The following C12orf42 variants were observed in gnomAD, a reference collection of about 807,000 sequenced individuals.
C12orf42 encodes the protein uncharacterized protein C12orf42.
C12orf42 carries 25 observed loss-of-function variants against 21.6 expected under a neutral mutation model. The ratio of observed to expected loss-of-function variants is 1.16; its 90% confidence interval spans 0.84 to 1.62. The LOEUF (loss-of-function observed/expected upper bound fraction) is 1.62, where lower values mean the gene tolerates loss of function less well. C12orf42 is among the 40% of genes most tolerant of loss of function. The pLI is 0.00. For missense variants in C12orf42, 483 were observed against 459.3 expected, an observed-to-expected ratio of 1.05 and a Z score of -0.47; for synonymous variants, 174 against 175.0, an observed-to-expected ratio of 0.99 and a Z score of 0.05.
chr12:103,095,544 AAT>A, the C12orf42 span, among the ~76,000 whole-genome samples: 2 of 152,108 alleles, frequency 1.3e-5, no homozygotes, highest in Non-Finnish European at 2.9e-5. Context: ...ATCTACTCCC[AAT>A]GGCCCTGTTT....
At position 103,381,508 on chromosome 12, in the gene C12orf42, G is replaced by T. The variant is rs368519675; in HGVS notation, c.148-12510C>A. Among the ~76,000 whole-genome samples the T allele has an allele frequency of 4.6e-5, 7 of 152,182 alleles. No homozygotes were observed. The East Asian group carries it at 9.6e-4, about 21-fold the overall frequency. On this transcript the variant is annotated intron_variant, in intron 3 of 5. Transcript: ENST00000548883. ...ATTGTTGATGATGACAACAACAACA[G>T]CAATAATAAATAGGTGTACTCATCA...
intron 4 of C12orf42, among the ~76,000 whole-genome samples, chr12:103,335,336 A>G (rs1031766445): frequency 6.6e-6 from 1 of 152,200 alleles, no homozygotes; most frequent in Non-Finnish European, 1.5e-5. Flanking sequence ...CCAATGGAAA[A>G]TATGTAGGAT....
intron 2 of C12orf42, among the ~76,000 whole-genome samples, chr12:103,436,673 A>T (rs1420848263): frequency 1.3e-5 from 2 of 152,034 alleles, no homozygotes; most frequent in Non-Finnish European, 2.9e-5. Flanking sequence ...ACATAATGGT[A>T]AAGGGATCAA....
At chr12:103,478,479 G>T in intron 1 of C12orf42, 32 bp from the exon 2 acceptor site, 1 of 1,112,910 alleles carries the variant, frequency 9.0e-7, no homozygotes, top group Non-Finnish European at 1.3e-6. Flanking sequence ...AGAAGAGCAG[G>T]TTTACAATGA....
the C12orf42 span, among the ~76,000 whole-genome samples, chr12:103,195,665 A>T: frequency 0.036 from 5,395 of 151,904 alleles, 112 homozygotes; most frequent in Admixed American, 0.054. Flanking sequence ...AATATTTTTA[A>T]GTTGTTTATA....
chr12:103,472,235 C>T lies in C12orf42; in HGVS notation c.78+6114G>A, dbSNP rs575013960. ...ATGCCAGGCTAATTTTTTGTAATTT[C>T]AGTAGAGACGGGGTTTCACCGTGTT... is the stretch of plus-strand genomic sequence containing the variant. On this transcript the variant is annotated intron_variant, in intron 2 of 5. Transcript: ENST00000548883. Among the ~76,000 whole-genome samples, 19 of 151,644 alleles carry T rather than the reference C, an allele frequency of 1.3e-4. No individual in the cohort carries two copies. The South Asian group carries it at 2.9e-3, about 23-fold the overall frequency.
chr12:103,381,968 T>C (rs1002603424), intron 3 of C12orf42, among the ~76,000 whole-genome samples: 1 of 152,080 alleles, frequency 6.6e-6, no homozygotes, highest in African/African-American at 2.4e-5. Context: ...TCCTCATCTG[T>C]ACAGTGAAGA....
chr12:103,158,812 G>A, the C12orf42 span, among the ~76,000 whole-genome samples: 3 of 151,396 alleles, frequency 2.0e-5, no homozygotes, highest in Non-Finnish European at 4.4e-5. Context: ...CCCGGGAGGC[G>A]GAGGTTGCAG....
intron 2 of C12orf42, among the ~76,000 whole-genome samples, chr12:103,467,335 G>C (rs1275641060): frequency 6.6e-6 from 1 of 152,078 alleles, no homozygotes; most frequent in African/African-American, 2.4e-5. Flanking sequence ...GGGAGGATAG[G>C]GACTGGGGAG....
the C12orf42 span, among the ~76,000 whole-genome samples, chr12:103,103,626 A>G: frequency 0.012 from 1,827 of 152,036 alleles, 39 homozygotes; most frequent in African/African-American, 0.042. Context: ...TTTGAGCCCA[A>G]TATTTTTTTT....
chr12:103,395,497 G>A lies in C12orf42; in HGVS notation c.147+6110C>T, dbSNP rs147370219. Among the ~76,000 whole-genome samples the A allele has an allele frequency of 1.0e-2, 1,516 of 152,116 alleles. 137 individuals are homozygous for A. In the East Asian group the frequency reaches 0.2, roughly 20 times the overall value. On this transcript the variant is annotated intron_variant, in intron 3 of 5. Coordinates refer to ENST00000548883, the MANE Select transcript of C12orf42 (RefSeq NM_198521.5). Reference sequence around the variant, plus strand: ...ACTACAGGCGCCCACCACCACGCCCGGCTAATTTTTCGTATTTTTAGTAGA... The same window carrying A: ...ACTACAGGCGCCCACCACCACGCCCAGCTAATTTTTCGTATTTTTAGTAGA...
chr12:103,338,503 A>G (rs2041912799), intron 4 of C12orf42, among the ~76,000 whole-genome samples: 1 of 152,234 alleles, frequency 6.6e-6, no homozygotes, highest in Admixed American at 6.5e-5. Context: ...CGCTTCTAAG[A>G]AGGCCTGAAG....
At chr12:103,522,175 A>G in the C12orf42 span, among the ~76,000 whole-genome samples, 1 of 152,146 alleles carries the variant, frequency 6.6e-6, no homozygotes, top group Non-Finnish European at 1.5e-5. Context: ...CATGGTAGTG[A>G]ATAAGTCTCA....
chr12:103,226,226 T>A, the C12orf42 span, among the ~76,000 whole-genome samples: 1 of 152,170 alleles, frequency 6.6e-6, no homozygotes, highest in Non-Finnish European at 1.5e-5. Flanking sequence ...GCTGGAGATG[T>A]GGCTGGGGTT....
intron 5 of C12orf42, 48 bp downstream of exon 5, chr12:103,305,926 G>C: frequency 6.5e-7 from 1 of 1,547,268 alleles, no homozygotes; most frequent in Non-Finnish European, 8.7e-7. Flanking sequence ...AAAACAAAAT[G>C]TGACCAGTTG....
the C12orf42 span, among the ~76,000 whole-genome samples, chr12:103,213,929 T>G: frequency 6.6e-6 from 1 of 152,214 alleles, no homozygotes; most frequent in Non-Finnish European, 1.5e-5. Context: ...ACCCAGCACA[T>G]GAGCTGAGAA....
chr12:103,322,593 T>C (rs529783133), intron 4 of C12orf42, among the ~76,000 whole-genome samples: 38 of 152,248 alleles, frequency 2.5e-4, no homozygotes, highest in Non-Finnish European at 3.8e-4. Flanking sequence ...GCTTTGGATA[T>C]ATGAGCCACT....
the C12orf42 span, among the ~76,000 whole-genome samples, chr12:103,199,421 T>G: frequency 6.6e-6 from 1 of 152,274 alleles, no homozygotes; most frequent in African/African-American, 2.4e-5. Context: ...AATAATTTTT[T>G]TGGATATGAC....
At chr12:103,359,473 C>T (rs1003886575) in intron 4 of C12orf42, among the ~76,000 whole-genome samples, 2 of 151,922 alleles carry the variant, frequency 1.3e-5, no homozygotes, top group Non-Finnish European at 2.9e-5. Flanking sequence ...TGGAAGACCA[C>T]TTAGCCATAA....
Sources: allele counts gnomAD v4.1 joint callset (sites outside exome capture counted in the v4.1 genomes callset), GRCh38; gene constraint gnomAD v4.1.1; transcripts MANE v1.5; gene names NCBI Gene and HGNC (gene_info 2026-07-23, HGNC 2026-07-21).